Variants in TMEFF2 observed in about 807,000 individuals in gnomAD.
TMEFF2 encodes the protein transmembrane protein with EGF like and two follistatin like domains 2.
A neutral mutation model predicts 53.8 loss-of-function variants in TMEFF2; 28 were observed. The observed-to-expected ratio is 0.52, with a 90% CI of 0.39 to 0.71. The LOEUF is 0.71. TMEFF2 is among the 30% of genes least tolerant of loss of function. The pLI, the probability that TMEFF2 is intolerant of heterozygous loss-of-function variation, is 0.00. For missense variants in TMEFF2, 353 were observed against 455.2 expected (o/e 0.78, Z 2.04); for synonymous variants, 162 against 166.3 (o/e 0.97, Z 0.20).
At chr2:192,075,967 A>G (rs1175029105) in intron 4 of TMEFF2, among the ~76,000 whole-genome samples, 1 of 151,738 alleles carries the variant, frequency 6.6e-6, no homozygotes, top group Non-Finnish European at 1.5e-5. Context: ...GAAGGAAGCA[A>G]AGAAGGAAAG....
chr2:192,138,687 A>T (rs998223740), intron 4 of TMEFF2, among the ~76,000 whole-genome samples: 4 of 152,216 alleles, frequency 2.6e-5, no homozygotes, highest in African/African-American at 9.6e-5. Flanking sequence ...AGCATTCCTC[A>T]GATTGAAGAC....
chr2:192,094,598 A>C (rs568947178), intron 4 of TMEFF2, among the ~76,000 whole-genome samples: 1 of 152,252 alleles, frequency 6.6e-6, no homozygotes, highest in Admixed American at 6.5e-5. Context: ...CTCGGAGAGA[A>C]AAAAAACAAA....
chr2:192,140,869 T>C (rs1042659142), intron 4 of TMEFF2, among the ~76,000 whole-genome samples: 3 of 151,964 alleles, frequency 2.0e-5, no homozygotes, highest in Non-Finnish European at 2.9e-5. Flanking sequence ...TGATGTAGAG[T>C]TGATTTCTGA....
chr2:192,078,142 G>C (rs1377221547), intron 4 of TMEFF2, among the ~76,000 whole-genome samples: 1 of 152,062 alleles, frequency 6.6e-6, no homozygotes, highest in Non-Finnish European at 1.5e-5. Flanking sequence ...AAATTGATGG[G>C]TTCTGGATGA....
rs774382007 is a variant in TMEFF2, at chr2:192,184,416, C to T, written c.350G>A (p.Arg117Gln). The T allele has an allele frequency of 1.7e-5, 28 of 1,613,270 alleles. No individual in the cohort carries two copies. The highest frequency in any genetic ancestry group is 2.2e-5 in the East Asian group (1 of 44,872). Residue 117 changes from arginine to glutamine, a missense_variant, in exon 3 of 10, where the codon CGA becomes CAA. By Grantham distance (43) the Arg-to-Gln change is conservative. Coordinates refer to ENST00000272771, the MANE Select transcript of TMEFF2 (RefSeq NM_016192.4). ...ACTCTGCTGTTTGCATGCAGCCTGT[C>T]GCAGGTAACACTCATTCTGGTAGCT... ...GESYQNECYL[R>Q]QAACKQQSEI...
At chr2:191,994,050 G>A (rs1686166999) in intron 7 of TMEFF2, among the ~76,000 whole-genome samples, 1 of 151,960 alleles carries the variant, frequency 6.6e-6, no homozygotes, top group Admixed American at 6.6e-5. Flanking sequence ...CAGGACAGGG[G>A]CTTGCATATT....
At chr2:192,174,162 G>T (rs186666964) in intron 4 of TMEFF2, among the ~76,000 whole-genome samples, 1 of 151,772 alleles carries the variant, frequency 6.6e-6, no homozygotes, top group East Asian at 1.9e-4. Flanking sequence ...TACACACAAT[G>T]ATTAACTTTC....
intron 4 of TMEFF2, among the ~76,000 whole-genome samples, chr2:192,129,627 G>A (rs1689764162): frequency 6.6e-6 from 1 of 152,100 alleles, no homozygotes. Context: ...TAGAATTAAG[G>A]AAATGCCATA....
At chr2:192,074,109 G>T (rs1051024194) in intron 4 of TMEFF2, among the ~76,000 whole-genome samples, 5 of 151,902 alleles carry the variant, frequency 3.3e-5, no homozygotes, top group African/African-American at 1.2e-4. Flanking sequence ...GGTACCTATA[G>T]TTCCTTTATT....
At chr2:192,125,348 T>A (rs1689651545) in intron 4 of TMEFF2, among the ~76,000 whole-genome samples, 1 of 152,152 alleles carries the variant, frequency 6.6e-6, no homozygotes, top group African/African-American at 2.4e-5. Flanking sequence ...CAAATAACAT[T>A]CAGCTCAACT....
At chr2:192,149,980 T>G (rs898036566) in intron 4 of TMEFF2, among the ~76,000 whole-genome samples, 1 of 151,972 alleles carries the variant, frequency 6.6e-6, no homozygotes, top group African/African-American at 2.4e-5. Flanking sequence ...GAAGGCCCAT[T>G]ATACAGCAAT....
chr2:192,058,229 G>T (rs1164791040), intron 4 of TMEFF2, among the ~76,000 whole-genome samples: 1 of 152,114 alleles, frequency 6.6e-6, no homozygotes, highest in Non-Finnish European at 1.5e-5. Context: ...ATTTAGATGA[G>T]CATCCCTGAT....
chr2:192,042,644 G>C (rs144010500), intron 5 of TMEFF2, among the ~76,000 whole-genome samples: 1 of 152,180 alleles, frequency 6.6e-6, no homozygotes, highest in East Asian at 1.9e-4. Flanking sequence ...GAGCTCACTT[G>C]GCAGATATTT....
At chr2:192,160,174 T>C (rs1002110397) in intron 4 of TMEFF2, among the ~76,000 whole-genome samples, 2 of 152,042 alleles carry the variant, frequency 1.3e-5, no homozygotes, top group African/African-American at 2.4e-5. Flanking sequence ...TTGGGTGAAA[T>C]TGAGAGAGTA....
intron 5 of TMEFF2, among the ~76,000 whole-genome samples, chr2:192,020,511 T>C (rs986429570): frequency 2.0e-5 from 3 of 152,124 alleles, no homozygotes; most frequent in Non-Finnish European, 4.4e-5. Context: ...GCAATCCAGA[T>C]ATTTTCAACT....
intron 4 of TMEFF2, among the ~76,000 whole-genome samples, chr2:192,136,919 C>T (rs528039489): frequency 9.9e-5 from 15 of 152,196 alleles, no homozygotes; most frequent in South Asian, 6.2e-4. Flanking sequence ...AATAATTTGG[C>T]AGTTATAATC....
chr2:192,132,819 A>G (rs1689886063), intron 4 of TMEFF2, among the ~76,000 whole-genome samples: 1 of 151,770 alleles, frequency 6.6e-6, no homozygotes, highest in Non-Finnish European at 1.5e-5. Context: ...CCTGGCAGCC[A>G]CTCCCAGAGC....
intron 7 of TMEFF2, among the ~76,000 whole-genome samples, chr2:191,967,908 C>T (rs1460500142): frequency 6.6e-6 from 1 of 152,138 alleles, no homozygotes; most frequent in African/African-American, 2.4e-5. Flanking sequence ...CCTTACCCTT[C>T]GTAGTCAGCC....
At chr2:192,039,555 A>T (rs1687422642) in intron 5 of TMEFF2, among the ~76,000 whole-genome samples, 1 of 152,200 alleles carries the variant, frequency 6.6e-6, no homozygotes, top group Admixed American at 6.5e-5. Flanking sequence ...TAGTAAAATA[A>T]AATATTTACA....
Sources: allele counts gnomAD v4.1 joint callset (sites outside exome capture counted in the v4.1 genomes callset), GRCh38; gene constraint gnomAD v4.1.1; transcripts MANE v1.5; gene names NCBI Gene and HGNC (gene_info 2026-07-23, HGNC 2026-07-21).